Variants in SLC39A4 observed in about 807,000 individuals in gnomAD.
SLC39A4 encodes solute carrier family 39 member 4.
SLC39A4 carries 49 observed loss-of-function variants against 56.6 expected under a neutral mutation model. That is an observed-to-expected ratio of 0.87 (90% CI 0.69 to 1.10). The LOEUF (loss-of-function observed/expected upper bound fraction) is 1.10, where lower values mean the gene tolerates loss of function less well. Among genes scored for constraint, SLC39A4 ranks in the 50% least tolerant of loss-of-function variants. The pLI is 0.00. For missense variants in SLC39A4, 993 were observed against 864.2 expected, an observed-to-expected ratio of 1.15 and a Z score of -1.87; for synonymous variants, 540 against 420.4, an observed-to-expected ratio of 1.28 and a Z score of -3.48.
chr8:144,415,200 C>A, intron 3 of SLC39A4, 27 bp downstream of exon 3: 1 of 1,612,736 alleles, frequency 6.2e-7, no homozygotes, highest in Non-Finnish European at 8.5e-7. Context: ...GGGGGTGCCC[C>A]CCTCCACAGC....
intron 5 of SLC39A4, 135 bp from the exon 6 acceptor site, chr8:144,414,569 C>T: frequency 3.3e-6 from 5 of 1,495,454 alleles, no homozygotes; most frequent in Non-Finnish European, 4.5e-6. Context: ...GCCTCAAAGC[C>T]CCACTCTCCT....
In SLC39A4 at chr8:144,413,329, C is replaced by A; in HGVS notation, c.1535G>T (p.Gly512Val). ...LGDAVHNFAD[G>V]LAVGAAFASS... ...CGCGAAGGCGGCGCCCACGGCCAGC[C>A]CGTCGGCGAAGTTGTGCACGGCGTC... Residue 512 changes from glycine to valine, a missense_variant, in exon 10 of 12, where the codon GGG becomes GTG. By Grantham distance (109) the Gly-to-Val change is moderately radical. Coordinates refer to ENST00000301305, the MANE Select transcript of SLC39A4 (RefSeq NM_130849.4). 6.2e-7 allele frequency: 1 copy of A among 1,605,826 alleles called. No individual in the cohort carries two copies. Among genetic ancestry groups the A allele is most frequent in the Non-Finnish European group, 8.5e-7 (1 of 1,179,194 alleles).
chr8:144,413,012 T>C (rs1448445538), intron 10 of SLC39A4, 66 bp from the exon 11 acceptor site: 36 of 1,525,214 alleles, frequency 2.4e-5, no homozygotes, highest in African/African-American at 4.2e-5. Flanking sequence ...CTCCTTTCGG[T>C]CCCGCCCTCT....
In SLC39A4 at chr8:144,414,777, G is replaced by A. The variant is rs1295478752; in HGVS notation, c.924C>T (p.Ala308=). Residue 308 remains alanine, a synonymous_variant, in exon 5 of 12, where the codon GCC becomes GCT. Coordinates refer to ENST00000301305, the MANE Select transcript of SLC39A4 (RefSeq NM_130849.4). The part of the protein sequence containing the change: ...PALLQQQLSG[A]CTSQSRPPVQ... ...CGGGGGGCCTGGACTGGGAGGTGCAGGCTCCACTCAGCTGCTGTTGGAGCA... is the reference window on the plus strand; with the variant it reads ...CGGGGGGCCTGGACTGGGAGGTGCAAGCTCCACTCAGCTGCTGTTGGAGCA... 1.9e-6 allele frequency: 3 copies of A among 1,613,164 alleles called. No individual in the cohort carries two copies. The highest frequency in any genetic ancestry group is 2.5e-6 in the Non-Finnish European group (3 of 1,179,990).
chr8:144,414,163 G>T (rs1822054611), intron 6 of SLC39A4, 68 bp from the exon 7 acceptor site: 1 of 1,564,300 alleles, frequency 6.4e-7, no homozygotes, highest in South Asian at 1.2e-5. Flanking sequence ...CCAGGGAGAG[G>T]GGTCAGGAGG....
rs1554873573 is a variant in SLC39A4 at position 144,415,322 on chromosome 8, C to T, written c.572G>A (p.Arg191Lys). ...GVLAALLDHV[R>K]SGSCFHALPS... is the part of the protein sequence containing the mutation. ...CAAGGCGTGGAAGCAAGACCCGCTC[C>T]TGACATGGTCCAGCAGGGCAGCCAG... The change falls in exon 3 of 12, where the codon AGG becomes AAG. Residue 191 changes from arginine to lysine, a missense_variant. Coordinates refer to ENST00000301305, the MANE Select transcript of SLC39A4 (RefSeq NM_130849.4). 6.2e-7 allele frequency: 1 copy of T among 1,612,880 alleles called. No homozygotes were observed. Among genetic ancestry groups the T allele is most frequent in the Non-Finnish European group, 8.5e-7 (1 of 1,179,796 alleles).
At chr8:144,416,491 C>A in intron 1 of SLC39A4, 107 bp downstream of exon 1, 1 of 1,485,060 alleles carries the variant, frequency 6.7e-7, no homozygotes, top group Non-Finnish European at 8.9e-7. Context: ...CTGCCACTAG[C>A]CTCCTCCGCC....
intron 10 of SLC39A4, 86 bp from the exon 11 acceptor site, chr8:144,413,032 G>A (rs1380621341): frequency 5.3e-6 from 8 of 1,512,716 alleles, no homozygotes; most frequent in Non-Finnish European, 6.2e-6. Context: ...TTACCACCAG[G>A]CCCCGCCCAC....
chr8:144,416,602 C>CCACACGGCCCGTTGGCGCAGTG lies in SLC39A4; in HGVS notation c.166_187dup (p.Gly63AlafsTer23). Reference sequence around the variant, plus strand: ...CCCGTCGGGTGGGGCTGTTACCTTTCCACACGGCCCGTTGGCGCAGTGCAC... The same window carrying CCACACGGCCCGTTGGCGCAGTG: ...CCCGTCGGGTGGGGCTGTTACCTTTCCACACGGCCCGTTGGCGCAGTGCACACGGCCCGTTGGCGCAGTGCAC... On this transcript the variant is annotated frameshift_variant, in exon 1 of 12. Coordinates refer to ENST00000301305, the MANE Select transcript of SLC39A4 (RefSeq NM_130849.4). LOFTEE classifies it high-confidence loss of function. The CCACACGGCCCGTTGGCGCAGTG allele has an allele frequency of 6.3e-7, 1 of 1,583,022 alleles. No individual in the cohort carries two copies. The highest frequency in any genetic ancestry group is 1.3e-5 in the African/African-American group (1 of 74,608).
At position 144,413,979 on chromosome 8, in the gene SLC39A4, GA is replaced by G. The variant is rs782427403; in HGVS notation, c.1265del (p.Leu422ProfsTer61). On this transcript the variant is annotated frameshift_variant, in exon 7 of 12. Coordinates refer to ENST00000301305, the MANE Select transcript of SLC39A4 (RefSeq NM_130849.4). LOFTEE classifies it high-confidence loss of function. Reference protein sequence around the residue: ...AFFLFENLFNLLLPRDPEDLE... With the variant: ...AFFLFENLFNXLLPRDPEDLE... ...TGACCTCCGGGTCCCTGGGCAGCAG[GA>G]GATTGAAGAGGTTCTCAAACAGGAA... 1.2e-6 allele frequency: 2 copies of G among 1,609,718 alleles called. No individual in the cohort carries two copies. The highest frequency in any genetic ancestry group is 1.7e-6 in the Non-Finnish European group (2 of 1,178,254).
Position 144,412,423 on chromosome 8 carries a change from AAGAGTGTCTTT to A in SLC39A4, c.*104_*114del, listed in dbSNP as rs1821913265. The A allele has an allele frequency of 1.9e-6, 3 of 1,552,012 alleles. No individual in the cohort carries two copies. Among genetic ancestry groups the A allele is most frequent in the Non-Finnish European group, 2.7e-6 (3 of 1,127,662 alleles). ...GAGAGCACAGCCATGCTCCAAGGACAAGAGTGTCTTTACTGGAGTTGGGACTGGGGCCTCTA... is the reference window on the plus strand; with the variant it reads ...GAGAGCACAGCCATGCTCCAAGGACAACTGGAGTTGGGACTGGGGCCTCTA... On this transcript the variant is annotated 3_prime_UTR_variant, in exon 12 of 12. Coordinates refer to ENST00000301305, the MANE Select transcript of SLC39A4 (RefSeq NM_130849.4).
chr8:144,414,725 T>C lies in SLC39A4; in HGVS notation c.976A>G (p.Arg326Gly), dbSNP rs782180712. ...PVQDQLSQSE[R>G]YLYGSLATLL... ...GCACAATGTCGGCGTGGGCACTCACTCTCTGACTGGCTGAGCTGGTCCTGG... is the reference window on the plus strand; with the variant it reads ...GCACAATGTCGGCGTGGGCACTCACCCTCTGACTGGCTGAGCTGGTCCTGG... Residue 326 changes from arginine (R) to glycine (G), a missense_variant and splice_region_variant, in exon 5 of 12, where the codon AGG becomes GGG. By Grantham distance (125) the Arg-to-Gly change is moderately radical. Transcript: ENST00000301305. The C allele has an allele frequency of 1.2e-6, 2 of 1,612,708 alleles. No individual in the cohort carries two copies. The highest frequency in any genetic ancestry group is 2.2e-5 in the East Asian group (1 of 44,878).
In SLC39A4 at chr8:144,414,189, CCCTGGGAGGGCACGG is replaced by C. The variant is rs1430142916; in HGVS notation, c.1149+58_1149+72del. ...GGTCAGGAGGTGGGGTGGGTAAGGT[CCCTGGGAGGGCACGG>C]CCTGGGAGTCCATGGTGGGGAACGG... On this transcript the variant is annotated intron_variant, in intron 6 of 11. Coordinates refer to ENST00000301305, the MANE Select transcript of SLC39A4 (RefSeq NM_130849.4). The C allele has an allele frequency of 3.1e-5, 49 of 1,579,270 alleles. No homozygotes were observed. The Middle Eastern group carries it at 1.3e-3, about 43-fold the overall frequency.
At chr8:144,416,393 G>A in intron 1 of SLC39A4, 1 of 1,448,638 alleles carries the variant, frequency 6.9e-7, no homozygotes, top group Non-Finnish European at 9.0e-7. Context: ...CTGGGGAGAA[G>A]AGGGACTGTG....
At position 144,415,066 on chromosome 8, in the gene SLC39A4, G is replaced by A; in HGVS notation, c.712C>T (p.His238Tyr). 1.2e-6 allele frequency: 2 copies of A among 1,611,404 alleles called. No individual in the cohort carries two copies. Among genetic ancestry groups the A allele is most frequent in the South Asian group, 1.1e-5 (1 of 91,090 alleles). The change falls in exon 4 of 12, where the codon CAC (histidine) becomes TAC (tyrosine). Residue 238 changes from histidine to tyrosine, a missense_variant. By Grantham distance (83) the His-to-Tyr change is moderately conservative. Coordinates refer to ENST00000301305, the MANE Select transcript of SLC39A4 (RefSeq NM_130849.4). Reference sequence around the variant, plus strand: ...CTGTGCCGATGACTGTGGTCACTGTGGGCCTCCCTGCCCACCCCCAGGCGC... The same window carrying A: ...CTGTGCCGATGACTGTGGTCACTGTAGGCCTCCCTGCCCACCCCCAGGCGC... ...MQRLGVGREA[H>Y]SDHSHRHRGA...
chr8:144,414,671 C>T lies in SLC39A4; in HGVS notation c.976+54G>A, dbSNP rs1554873166. The stretch of plus-strand genomic sequence containing the variant: ...CATCCTGGGCAGCCACTCCTTCCTT[C>T]CTACACGGGCTCCACCTCTGTGCTG... On this transcript the variant is annotated intron_variant, in intron 5 of 11. Transcript: ENST00000301305. 3.7e-6 allele frequency: 6 copies of T among 1,601,728 alleles called. No homozygotes were observed. The East Asian group carries it at 1.3e-4, about 36-fold the overall frequency.
Position 144,416,353 on chromosome 8 carries a change from G to A in SLC39A4, c.192+245C>T, listed in dbSNP as rs1413127989. 6.2e-6 allele frequency: 9 copies of A among 1,461,496 alleles called. No homozygotes were observed. The East Asian group carries it at 2.2e-4, about 36-fold the overall frequency. The allele number at this position is 1,461,496 out of a possible 1,614,324, so 90.5% of individuals were successfully genotyped here. A position where few individuals can be genotyped will look rare whatever the true frequency, so the allele number is the denominator to read the frequency against. On this transcript the variant is annotated intron_variant, in intron 1 of 11. Transcript: ENST00000301305. The stretch of plus-strand genomic sequence containing the variant: ...GAGCCACTGCCAATTTGATGGCAGA[G>A]GGCCGGCAGGGGGAGTTGGCCCTGG...
Position 144,413,559 on chromosome 8 carries a change from C to T in SLC39A4, c.1428G>A (p.Glu476=). 1 of 1,553,524 alleles carries T rather than the reference C, an allele frequency of 6.4e-7. No individual in the cohort carries two copies. Among genetic ancestry groups the T allele is most frequent in the East Asian group, 2.4e-5 (1 of 41,184 alleles). The change falls in exon 9 of 12, where the codon GAG becomes GAA. Residue 476 remains glutamate (E), a synonymous_variant. Transcript: ENST00000301305. ...HEGSRADLVA[E]ESPELLNPEP... ...CAGGGTTCAGCAGCTCCGGGCTCTC[C>T]TCCGCCACCTGGGAGGAGCCTTGAG...
chr8:144,413,879 G>A lies in SLC39A4; in HGVS notation c.1290C>T (p.Asp430=). ...FNLLLPRDPE[D]LEDGPCGHSS... The stretch of plus-strand genomic sequence containing the variant: ...TGTGGCCGCAGGGCCCGTCCTCCAG[G>A]TCCTGTGAGGGTAGGTGCTCAGTGT... The change falls in exon 8 of 12, where the codon GAC becomes GAT. Residue 430 remains aspartate (D), a splice_region_variant and synonymous_variant. Coordinates refer to ENST00000301305, the MANE Select transcript of SLC39A4 (RefSeq NM_130849.4). 1 of 1,606,988 alleles carries A rather than the reference G, an allele frequency of 6.2e-7. No homozygotes were observed. The highest frequency in any genetic ancestry group is 8.5e-7 in the Non-Finnish European group (1 of 1,178,290).
Sources: gnomAD v4.1 joint callset for allele counts on GRCh38, gnomAD v4.1.1 for gene constraint, MANE v1.5 for transcripts, NCBI Gene and HGNC (gene_info 2026-07-23, HGNC 2026-07-21) for gene names.